The following NPAS2 variants were observed in gnomAD, a reference collection of about 807,000 sequenced individuals.
NPAS2 encodes neuronal PAS domain-containing protein 2.
In NPAS2, 23 loss-of-function variants were observed where a neutral mutation model predicts 107.5. The observed-to-expected ratio is 0.21, with a 90% CI of 0.15 to 0.30. The LOEUF is 0.30. NPAS2 is among the 10% of genes least tolerant of loss of function. NPAS2 has a pLI of 1.00. For synonymous variants in NPAS2, 403 were observed against 417.5 expected, an observed-to-expected ratio of 0.97 and a Z score of 0.42; for missense variants, 756 against 1,043.3, an observed-to-expected ratio of 0.72 and a Z score of 3.79.
chr2:100,830,477 C>T (rs1302932210), intron 1 of NPAS2, among the ~76,000 whole-genome samples: 1 of 149,036 alleles, frequency 6.7e-6, no homozygotes, highest in Admixed American at 6.7e-5. Flanking sequence ...CCCCCTCCCC[C>T]GACCCCACAA....
chr2:100,852,192 C>A (rs369096333), intron 1 of NPAS2, among the ~76,000 whole-genome samples: 2 of 152,044 alleles, frequency 1.3e-5, no homozygotes, highest in South Asian at 2.1e-4. Context: ...GTCAGGAGAT[C>A]AAGACCATCC....
At chr2:100,877,461 A>AG (rs1357722050) in intron 1 of NPAS2, among the ~76,000 whole-genome samples, 4 of 147,852 alleles carry the variant, frequency 2.7e-5, no homozygotes, top group East Asian at 3.9e-4. Context: ...AAAAAAAAAA[A>AG]AAAAAAGAAA....
At chr2:100,853,445 G>C (rs564022498) in intron 1 of NPAS2, among the ~76,000 whole-genome samples, 17 of 152,304 alleles carry the variant, frequency 1.1e-4, no homozygotes, top group African/African-American at 4.1e-4. Flanking sequence ...TTTCCTGGGT[G>C]AACATAGTAC....
At chr2:100,850,953 CAAAAAAAAAAAAAAAAA>C (rs148858541) in intron 1 of NPAS2, among the ~76,000 whole-genome samples, 31 of 41,858 alleles carry the variant, frequency 7.4e-4, no homozygotes, top group Non-Finnish European at 8.9e-4. Context: ...AACTCTGTCT[CAAAAAAAAAAAAAAAAA>C]AAAAAAAAAA....
intron 12 of NPAS2, 125 bp from the exon 13 acceptor site, chr2:100,974,678 C>T: frequency 9.3e-7 from 1 of 1,074,370 alleles, no homozygotes. Context: ...GGAATCGTCC[C>T]CAAACAACTA....
At chr2:100,886,284 C>T (rs1455375756) in intron 1 of NPAS2, among the ~76,000 whole-genome samples, 6 of 152,184 alleles carry the variant, frequency 3.9e-5, no homozygotes, top group Non-Finnish European at 5.9e-5. Flanking sequence ...TTCAGCTCTT[C>T]AGGAAAACAC....
intron 14 of NPAS2, 152 bp from the exon 15 acceptor site, chr2:100,977,558 C>T (rs1677099281): frequency 1.5e-6 from 1 of 662,662 alleles, no homozygotes; most frequent in Admixed American, 2.4e-5. Flanking sequence ...AGCAGTGCAG[C>T]CAGGGAACAG....
Position 100,862,274 on chromosome 2 carries a change from T to C in NPAS2, c.-23+41860T>C, listed in dbSNP as rs188744318. Among the ~76,000 whole-genome samples the C allele has an allele frequency of 5.9e-3, 892 of 152,330 alleles. 13 individuals carry two copies. The highest frequency in any genetic ancestry group is 0.035 in the Admixed American group (533 of 15,310). On this transcript the variant is annotated intron_variant, in intron 1 of 20. Transcript: ENST00000335681. ...ACCTCGGAAGGGGATCTGGCTTCTA[T>C]GCAGTAGGTTCAATCATTTCTGTAG...
At chr2:100,980,918 G>A (rs1677395880) in intron 15 of NPAS2, among the ~76,000 whole-genome samples, 1 of 152,148 alleles carries the variant, frequency 6.6e-6, no homozygotes, top group Non-Finnish European at 1.5e-5. Context: ...GGATTTACAT[G>A]TTGGTGCTGC....
At chr2:100,915,427 G>A (rs1682823845) in intron 2 of NPAS2, among the ~76,000 whole-genome samples, 1 of 152,164 alleles carries the variant, frequency 6.6e-6, no homozygotes. Context: ...GAGGTGCTCA[G>A]GAAAGTGACT....
chr2:100,931,206 C>CTCAGTG (rs968637571), intron 3 of NPAS2, among the ~76,000 whole-genome samples: 4 of 152,208 alleles, frequency 2.6e-5, no homozygotes, highest in Admixed American at 1.3e-4. Flanking sequence ...CAGGGGCCCT[C>CTCAGTG]TCAGTGTCGT....
chr2:100,986,119 C>A (rs886093668), intron 16 of NPAS2: 19 of 152,046 alleles, frequency 1.2e-4, no homozygotes, highest in African/African-American at 4.6e-4. Flanking sequence ...ATGATGGATA[C>A]CCAGAAAATT....
rs149850914 is a variant in NPAS2, at chr2:100,919,007, A to G, written c.33-6139A>G. Reference sequence around the variant, plus strand: ...ACAACCCACATTTCCTCAATGGGTGAATGCATAAACCGGCTGTGGAACACC... The same window carrying G: ...ACAACCCACATTTCCTCAATGGGTGGATGCATAAACCGGCTGTGGAACACC... On this transcript the variant is annotated intron_variant, in intron 2 of 20. Coordinates refer to ENST00000335681, the MANE Select transcript of NPAS2 (RefSeq NM_002518.4). Among the ~76,000 whole-genome samples, 249 of 152,354 alleles carry G rather than the reference A, an allele frequency of 1.6e-3. 4 individuals carry two copies. The highest frequency in any genetic ancestry group is 2.5e-3 in the East Asian group (13 of 5,190).
At chr2:100,833,757 A>T (rs971537491) in intron 1 of NPAS2, among the ~76,000 whole-genome samples, 1 of 152,208 alleles carries the variant, frequency 6.6e-6, no homozygotes, top group African/African-American at 2.4e-5. Flanking sequence ...CTGTTTTGCC[A>T]TGATGAATGT....
chr2:100,898,644 A>T (rs1462792679), intron 1 of NPAS2, among the ~76,000 whole-genome samples: 3 of 152,204 alleles, frequency 2.0e-5, no homozygotes, highest in African/African-American at 7.2e-5. Flanking sequence ...GGGCCTCTAA[A>T]TGTAAAGCAA....
At chr2:100,840,896 C>T (rs780931255) in intron 1 of NPAS2, among the ~76,000 whole-genome samples, 9 of 152,082 alleles carry the variant, frequency 5.9e-5, no homozygotes, top group Non-Finnish European at 1.2e-4. Context: ...GTCTAGAACA[C>T]GGTGCTTACC....
chr2:100,861,144 G>T (rs1678918938), intron 1 of NPAS2, among the ~76,000 whole-genome samples: 1 of 151,912 alleles, frequency 6.6e-6, no homozygotes, highest in Non-Finnish European at 1.5e-5. Flanking sequence ...TGGGATTATA[G>T]CTGTGAGCCA....
chr2:100,904,973 C>T (rs1682049725), intron 2 of NPAS2, among the ~76,000 whole-genome samples, 187 bp downstream of exon 2: 3 of 152,166 alleles, frequency 2.0e-5, no homozygotes, highest in Admixed American at 6.5e-5. Context: ...CTCAGCCCTG[C>T]CCCTCACTGT....
At chr2:100,925,905 A>G (rs1269236700) in intron 3 of NPAS2, among the ~76,000 whole-genome samples, 1 of 152,156 alleles carries the variant, frequency 6.6e-6, no homozygotes, top group African/African-American at 2.4e-5. Flanking sequence ...CATCATGCCA[A>G]AAAAGAAACC....
Sources: gnomAD v4.1 joint callset for allele counts (sites outside exome capture counted in the v4.1 genomes callset) on GRCh38, gnomAD v4.1.1 for gene constraint, MANE v1.5 for transcripts, NCBI Gene and HGNC (gene_info 2026-07-23, HGNC 2026-07-21) for gene names.